The following FCHO1 variants were observed in gnomAD, a reference collection of about 807,000 sequenced individuals.
FCHO1 encodes FCH and mu domain containing endocytic adaptor 1.
In FCHO1, 45 loss-of-function variants were observed where a neutral mutation model predicts 114.4. That is an observed-to-expected ratio of 0.39 (90% CI 0.31 to 0.50). The LOEUF (loss-of-function observed/expected upper bound fraction) is 0.50. FCHO1 is among the 20% of genes least tolerant of loss of function. The probability of loss-of-function intolerance (pLI) is 0.77; values close to 1 mark genes in which losing one functional copy is unlikely to be tolerated. For synonymous variants in FCHO1, 480 were observed against 488.9 expected (o/e 0.98, Z 0.24); for missense variants, 1,042 against 1,209.6 (o/e 0.86, Z 2.06).
Position 17,778,677 on chromosome 19 carries a change from G to A in FCHO1, c.1420G>A (p.Asp474Asn). 1 of 1,567,940 alleles carries A rather than the reference G, an allele frequency of 6.4e-7. No homozygotes were observed. The highest frequency in any genetic ancestry group is 8.6e-7 in the Non-Finnish European group (1 of 1,161,192). ...FSSSSPENVE[D>N]SGLDSPSHAA... ...CTCCTCGTCGCCCGAAAACGTGGAG[G>A]ATTCCGGCCTGGACTCTCCGTCCCA... The change falls in exon 20 of 29, where the codon GAT becomes AAT. Residue 474 changes from aspartate to asparagine, a missense_variant. This residue lies in a region of FCHO1 where 455 missense variants were observed against 455.4 expected (regional missense o/e 1.00). Transcript: ENST00000596536.
At chr19:17,769,595 ACACACAC>A (rs2090788846) in intron 7 of FCHO1, among the ~76,000 whole-genome samples, 1 of 62,096 alleles carries the variant, frequency 1.6e-5, no homozygotes, top group African/African-American at 4.7e-5. Flanking sequence ...ACACACACAC[ACACACAC>A]ACACACACAC....
chr19:17,776,679 A>G lies in FCHO1; in HGVS notation c.1252A>G (p.Thr418Ala), dbSNP rs765293512. The change falls in exon 18 of 29, where the codon ACC becomes GCC. Residue 418 changes from threonine (T) to alanine (A), a missense_variant. This residue lies in a region of FCHO1 where 455 missense variants were observed against 455.4 expected (regional missense o/e 1.00). Coordinates refer to ENST00000596536, the MANE Select transcript of FCHO1 (RefSeq NM_015122.3). The surrounding 1 kb of genome is among the most constrained non-coding windows in gnomAD (Gnocchi z 4.4). ...CCAGAGACCTCGGTCTGCCCCCAGAACCAGCAGGTGGGTTCCACACGAGTG... is the reference window on the plus strand; with the variant it reads ...CCAGAGACCTCGGTCTGCCCCCAGAGCCAGCAGGTGGGTTCCACACGAGTG... Reference protein sequence around the residue: ...KPQRPRSAPRTSSCAERLQSE... With the variant: ...KPQRPRSAPRASSCAERLQSE... 1.2e-6 allele frequency: 2 copies of G among 1,613,508 alleles called. No homozygotes were observed. The highest frequency in any genetic ancestry group is 8.5e-7 in the Non-Finnish European group (1 of 1,179,872).
rs1231425789 is a variant in FCHO1, at chr19:17,770,313, A to G, written c.337-112A>G. 3.3e-6 allele frequency: 4 copies of G among 1,197,128 alleles called. No homozygotes were observed. The East Asian group carries it at 1.0e-4, about 31-fold the overall frequency. 74.2% of individuals were successfully genotyped at this position (1,197,128 alleles called of 1,614,324 possible). A position where few individuals can be genotyped will look rare whatever the true frequency, so the allele number is the denominator to read the frequency against. On this transcript the variant is annotated intron_variant, in intron 7 of 28. Coordinates refer to ENST00000596536, the MANE Select transcript of FCHO1 (RefSeq NM_015122.3). ...CGAAACTCTGTCTAAAAAAAACCAA[A>G]CCAAAACACACACACACACATAGAA... is the stretch of plus-strand genomic sequence containing the variant.
intron 9 of FCHO1, among the ~76,000 whole-genome samples, chr19:17,771,755 G>C (rs1170202657): frequency 1.3e-5 from 2 of 152,158 alleles, no homozygotes; most frequent in African/African-American, 4.8e-5. Flanking sequence ...GAGTTGTGGA[G>C]GTTTCAGTCA....
At position 17,755,181 on chromosome 19, in the gene FCHO1, A is replaced by T; in HGVS notation, c.17A>T (p.Glu6Val). ...ACCATCAGGATGTCGTATTTTGGGG[A>T]GCATTTTTGGGTAAGACCCACTCTT... Reference protein sequence around the residue: MSYFGEHFWGEKNHGF... With the variant: MSYFGVHFWGEKNHGF... The change falls in exon 4 of 29, where the codon GAG becomes GTG. Residue 6 changes from glutamate to valine, a missense_variant. Physicochemically the swap from Glu to Val is moderately radical, Grantham distance 121 (BLOSUM62 -2). This residue lies in a region of FCHO1 where 450 missense variants were observed against 564.1 expected (regional missense o/e 0.80). Transcript: ENST00000596536. The T allele has an allele frequency of 1.2e-6, 2 of 1,609,978 alleles. No homozygotes were observed. Among genetic ancestry groups the T allele is most frequent in the Non-Finnish European group, 1.7e-6 (2 of 1,178,200 alleles).
chr19:17,769,534 G>A lies in FCHO1; in HGVS notation c.337-891G>A, dbSNP rs1024066523. Among the ~76,000 whole-genome samples the A allele has an allele frequency of 4.0e-5, 6 of 151,526 alleles. No homozygotes were observed. The Admixed American group carries it at 4.0e-4, about 10-fold the overall frequency. ...GCGGAGCTTGCAGTGAGCCAAGATC[G>A]CGCCACTGCACTCCAGCCTGGGTGA... On this transcript the variant is annotated intron_variant, in intron 7 of 28. Transcript: ENST00000596536.
intron 3 of FCHO1, chr19:17,754,901 A>C: frequency 6.1e-6 from 3 of 491,172 alleles, no homozygotes; most frequent in Non-Finnish European, 3.7e-6. Context: ...ACTCTGTGGA[A>C]TTGGGGGCAT....
In FCHO1 at chr19:17,781,502, C is replaced by T. The variant is rs1246987775; in HGVS notation, c.1791C>T (p.Ala597=). The T allele has an allele frequency of 6.2e-7, 1 of 1,614,104 alleles. No individual in the cohort carries two copies. The change falls in exon 22 of 29, where the codon GCC becomes GCT. Residue 597 remains alanine (A), a synonymous_variant. Coordinates refer to ENST00000596536, the MANE Select transcript of FCHO1 (RefSeq NM_015122.3). The stretch of plus-strand genomic sequence containing the variant: ...TGGGCTCTTCAGCCGCCAGCACTGC[C>T]TTGGAACGGCCCAGCTTCTTATCCC... ...SPLGSSAAST[A]LERPSFLSQT... is the part of the protein sequence containing the mutation.
At chr19:17,750,014 G>C (rs2081512143), upstream of FCHO1, among the ~76,000 whole-genome samples, 1 of 152,180 alleles carries the variant, frequency 6.6e-6, no homozygotes, top group Non-Finnish European at 1.5e-5. Context: ...CGGACACCCA[G>C]CCAGGCACCA....
At chr19:17,772,386 A>G (rs1231939758) in intron 9 of FCHO1, 71 bp from the exon 10 acceptor site, 1 of 1,139,516 alleles carries the variant, frequency 8.8e-7, no homozygotes, top group Non-Finnish European at 1.3e-6. Flanking sequence ...CTGATTGGTC[A>G]GGCTGAGTCA....
In FCHO1 at chr19:17,776,747, T is replaced by G; in HGVS notation, c.1259+61T>G. On this transcript the variant is annotated intron_variant, in intron 18 of 28. Transcript: ENST00000596536. This position sits in a 1 kb window ranked among gnomAD's most constrained non-coding sequence, Gnocchi z 4.4. ...CCCACCTCCTCCCTCCACCTCCCCA[T>G]GTCTCCGCCTGGTGTTCTCTTGTCC... is the stretch of plus-strand genomic sequence containing the variant. 6.8e-7 allele frequency: 1 copy of G among 1,468,464 alleles called. No individual in the cohort carries two copies. The highest frequency in any genetic ancestry group is 9.5e-7 in the Non-Finnish European group (1 of 1,053,644). 91.0% of individuals were successfully genotyped at this position (1,468,464 alleles called of 1,614,324 possible).
At position 17,751,805 on chromosome 19, in the gene FCHO1, C is replaced by A. The variant is rs1227230725; in HGVS notation, c.-183+228C>A. Among the ~76,000 whole-genome samples, 1 of 152,224 alleles carries A rather than the reference C, an allele frequency of 6.6e-6. No individual in the cohort carries two copies. The highest frequency in any genetic ancestry group is 1.5e-5 in the Non-Finnish European group (1 of 68,048). ...GGGGGCGGCAAGGGGAGCTTGGAAA[C>A]CCAGAGAGCCACGCGTGATGGTTTC... On this transcript the variant is annotated intron_variant, in intron 1 of 28. Transcript: ENST00000596536. This position sits in a 1 kb window ranked among gnomAD's most constrained non-coding sequence, Gnocchi z 4.4.
upstream of FCHO1, among the ~76,000 whole-genome samples, chr19:17,750,628 T>C (rs2081650009): frequency 6.6e-6 from 1 of 150,936 alleles, no homozygotes; most frequent in Non-Finnish European, 1.5e-5. Flanking sequence ...CCAGCTAACT[T>C]TTGTATTTTT....
chr19:17,772,344 A>G (rs925837760), intron 9 of FCHO1, 113 bp from the exon 10 acceptor site: 2 of 786,410 alleles, frequency 2.5e-6, no homozygotes, highest in African/African-American at 3.4e-5. Flanking sequence ...CCCTTCCCCA[A>G]ATCAATCACT....
intron 10 of FCHO1, 23 bp from the exon 11 acceptor site, chr19:17,772,622 C>T (rs1173393508): frequency 1.9e-6 from 3 of 1,613,716 alleles, no homozygotes; most frequent in South Asian, 1.1e-5. Flanking sequence ...TGACCAGTTA[C>T]ACACCCCGCC....
chr19:17,777,551 A>G (rs112275458), intron 18 of FCHO1, among the ~76,000 whole-genome samples: 54,622 of 139,408 alleles, frequency 0.39, 12,710 homozygotes, highest in Non-Finnish European at 0.51. Context: ...AAAAAAAAAA[A>G]AAAAAAAAAA....
chr19:17,771,371 G>C (rs4808096), intron 9 of FCHO1, among the ~76,000 whole-genome samples: 1 of 137,078 alleles, frequency 7.3e-6, no homozygotes, highest in Non-Finnish European at 1.6e-5. Flanking sequence ...AAAAAAAAAA[G>C]AAAAGAAAAG....
At chr19:17,767,408 A>AAAAAAC (rs80074381) in intron 7 of FCHO1, among the ~76,000 whole-genome samples, 2 of 144,940 alleles carry the variant, frequency 1.4e-5, no homozygotes, top group African/African-American at 5.0e-5. Flanking sequence ...AAAAAAAAAA[A>AAAAAAC]CACCCAAAAC....
At chr19:17,759,538 A>G (rs1426571821) in intron 4 of FCHO1, among the ~76,000 whole-genome samples, 4 of 151,950 alleles carry the variant, frequency 2.6e-5, no homozygotes, top group Non-Finnish European at 5.9e-5. Flanking sequence ...TTGATTTTAA[A>G]GTTGTAATGG....
Sources: allele counts gnomAD v4.1 joint callset (sites outside exome capture counted in the v4.1 genomes callset), GRCh38; gene constraint gnomAD v4.1.1; regional missense constraint gnomAD v4.1.1; non-coding constraint Gnocchi (gnomAD v3.1); transcripts MANE v1.5; gene names NCBI Gene and HGNC (gene_info 2026-07-23, HGNC 2026-07-21).